The following COL6A6 variants were observed in gnomAD, a reference collection of about 807,000 sequenced individuals.
COL6A6 encodes the protein collagen type VI alpha 6 chain, also known as collagen alpha-6(VI) chain.
Under a neutral mutation model 208.6 loss-of-function variants are expected in COL6A6, and 183 were observed. The ratio of observed to expected loss-of-function variants is 0.88; its 90% CI spans 0.78 to 0.99. COL6A6 has a LOEUF of 0.99. Among genes scored for constraint, COL6A6 ranks in the 50% least tolerant of loss-of-function variants. The pLI, the probability that COL6A6 is intolerant of heterozygous loss-of-function variation, is 0.00. For synonymous variants in COL6A6, 973 were observed against 1,011.8 expected (o/e 0.96, Z 0.73); for missense variants, 2,816 against 2,815.2 (o/e 1.00, Z -0.01).
rs186747246 is a variant in COL6A6, at chr3:130,565,445, C to T, written c.1113C>T (p.Ser371=). The change falls in exon 4 of 37, where the codon AGC becomes AGT. Residue 371 remains serine (S), a synonymous_variant. Coordinates refer to ENST00000358511, the MANE Select transcript of COL6A6 (RefSeq NM_001102608.3). The part of the protein sequence containing the change: ...TIFTLGIEGA[S]DTQLEKIASH... Reference sequence around the variant, plus strand: ...TCACCCTGGGCATAGAGGGCGCCAGCGACACCCAGTTGGAAAAGATAGCAT... The same window carrying T: ...TCACCCTGGGCATAGAGGGCGCCAGTGACACCCAGTTGGAAAAGATAGCAT... 272 of 1,613,886 alleles carry T rather than the reference C, an allele frequency of 1.7e-4. No homozygotes were observed. In the African/African-American group the frequency reaches 2.8e-3, roughly 17 times the overall value.
intron 12 of COL6A6, among the ~76,000 whole-genome samples, chr3:130,590,290 TATATATA>T (rs1375333355): frequency 1.1e-3 from 28 of 25,554 alleles, no homozygotes; most frequent in African/African-American, 1.8e-3. Context: ...TATATATATA[TATATATA>T]TATTTTTTTT....
intron 23 of COL6A6, among the ~76,000 whole-genome samples, chr3:130,615,942 G>T (rs985676012): frequency 6.6e-6 from 1 of 152,192 alleles, no homozygotes; most frequent in African/African-American, 2.4e-5. Context: ...GGCATTGTCA[G>T]AGTTAGTCAG....
chr3:130,573,622 A>C (rs1264066058), intron 7 of COL6A6, among the ~76,000 whole-genome samples: 1 of 141,926 alleles, frequency 7.0e-6, no homozygotes, highest in Non-Finnish European at 1.5e-5. Context: ...GCTGGAGTGC[A>C]GAGGCACAAT....
intron 36 of COL6A6, among the ~76,000 whole-genome samples, chr3:130,668,322 C>T (rs948143046): frequency 7.2e-5 from 11 of 152,066 alleles, no homozygotes; most frequent in Middle Eastern, 6.8e-3. Context: ...ACTAAAAATA[C>T]AAGAAATTAG....
chr3:130,551,088 A>C (rs535256600), intron 1 of COL6A6, among the ~76,000 whole-genome samples: 1 of 149,212 alleles, frequency 6.7e-6, no homozygotes, highest in East Asian at 2.0e-4. Flanking sequence ...CAATTTTTAC[A>C]TCTACATTCA....
intron 36 of COL6A6, among the ~76,000 whole-genome samples, chr3:130,673,898 A>T (rs1038404438): frequency 6.6e-6 from 1 of 152,160 alleles, no homozygotes; most frequent in Non-Finnish European, 1.5e-5. Flanking sequence ...TCTGGGCTGC[A>T]GTAAGCTATG....
intron 1 of COL6A6, among the ~76,000 whole-genome samples, chr3:130,531,225 A>G (rs894709964): frequency 2.0e-5 from 3 of 152,024 alleles, no homozygotes; most frequent in African/African-American, 4.8e-5. Context: ...GGGCTGCACA[A>G]TTCTTTATTT....
At chr3:130,557,299 A>T (rs888415082) in intron 1 of COL6A6, among the ~76,000 whole-genome samples, 1 of 152,198 alleles carries the variant, frequency 6.6e-6, no homozygotes, top group Admixed American at 6.5e-5. Flanking sequence ...GAAAGTAAAA[A>T]CTGTGCAACT....
chr3:130,626,606 T>C, intron 25 of COL6A6, 59 bp downstream of exon 25: 1 of 1,155,940 alleles, frequency 8.7e-7, no homozygotes, highest in Middle Eastern at 1.9e-4. Context: ...TCAGTAGACA[T>C]CTGGTGTGGT....
Position 130,571,233 on chromosome 3 carries a change from A to G in COL6A6, c.2817A>G (p.Lys939=). 1 of 1,614,030 alleles carries G rather than the reference A, an allele frequency of 6.2e-7. No homozygotes were observed. Among genetic ancestry groups the G allele is most frequent in the Non-Finnish European group, 8.5e-7 (1 of 1,179,884 alleles). Residue 939 remains lysine, a synonymous_variant, in exon 7 of 37, where the codon AAA becomes AAG. Transcript: ENST00000358511. ...CCACGGCAAAGGCCTTGCGGGACAA[A>G]GGCATTCTTGTCCTGGCTGTGGGGA... ...LNATAKALRD[K]GILVLAVGID...
chr3:130,572,246 G>A (rs1192543208), intron 7 of COL6A6, among the ~76,000 whole-genome samples: 1 of 152,166 alleles, frequency 6.6e-6, no homozygotes, highest in African/African-American at 2.4e-5. Context: ...AGAGCATAGT[G>A]GGGCTTCTAT....
At position 130,675,484 on chromosome 3, in the gene COL6A6, A is replaced by G; in HGVS notation, c.*87A>G. On this transcript the variant is annotated 3_prime_UTR_variant, in exon 37 of 37. Coordinates refer to ENST00000358511, the MANE Select transcript of COL6A6 (RefSeq NM_001102608.3). The stretch of plus-strand genomic sequence containing the variant: ...TAAATCTGCTGCCAGAACTCAAGCA[A>G]CAGTTTGTAGGTTATCAGGTGACTT... The G allele has an allele frequency of 9.9e-7, 1 of 1,006,092 alleles. No homozygotes were observed. The highest frequency in any genetic ancestry group is 2.6e-5 in the East Asian group (1 of 38,148). The allele number at this position is 1,006,092 out of a possible 1,614,324, so 62.3% of individuals were successfully genotyped here.
At chr3:130,670,495 A>T (rs190079508) in intron 36 of COL6A6, among the ~76,000 whole-genome samples, 8 of 152,274 alleles carry the variant, frequency 5.3e-5, no homozygotes. Flanking sequence ...CGGAACCTAG[A>T]GACTTGGTTC....
At position 130,649,544 on chromosome 3, in the gene COL6A6, G is replaced by A. The variant is rs993324848; in HGVS notation, c.5715G>A (p.Ser1905=). Residue 1905 remains serine, a synonymous_variant, in exon 33 of 37, where the codon TCG becomes TCA. Transcript: ENST00000358511. The stretch of plus-strand genomic sequence containing the variant: ...TGATCACTTTCAGCAACGTGCCCTC[G>A]GTCAGGCGCGCATTTGCGGTATGAG... ...PVVITFSNVP[S]VRRAFAIDDT... The A allele has an allele frequency of 3.8e-6, 6 of 1,591,856 alleles. No homozygotes were observed. The highest frequency in any genetic ancestry group is 5.1e-6 in the Non-Finnish European group (6 of 1,169,314).
intron 33 of COL6A6, among the ~76,000 whole-genome samples, chr3:130,653,979 C>T (rs2065717786): frequency 6.6e-6 from 1 of 152,126 alleles, no homozygotes; most frequent in Non-Finnish European, 1.5e-5. Flanking sequence ...CAGCAGGGAC[C>T]AACACCAGAA....
chr3:130,618,231 A>T (rs949037627), intron 23 of COL6A6, among the ~76,000 whole-genome samples: 3 of 152,184 alleles, frequency 2.0e-5, no homozygotes, highest in Non-Finnish European at 4.4e-5. Flanking sequence ...GTCAGATACA[A>T]TTAGGTTCAT....
chr3:130,520,765 T>C lies in COL6A6; in HGVS notation c.-32+3368T>C, dbSNP rs529036753. Reference sequence around the variant, plus strand: ...CAAGATAAAGGAGGCAGTATCATCTTTGTGTCTCTACTTCTGAAGTTCAGT... The same window carrying C: ...CAAGATAAAGGAGGCAGTATCATCTCTGTGTCTCTACTTCTGAAGTTCAGT... On this transcript the variant is annotated intron_variant, in intron 1 of 36. Coordinates refer to ENST00000358511, the MANE Select transcript of COL6A6 (RefSeq NM_001102608.3). Among the ~76,000 whole-genome samples the C allele has an allele frequency of 3.7e-3, 559 of 152,336 alleles. 7 individuals carry two copies. The highest frequency in any genetic ancestry group is 0.013 in the African/African-American group (539 of 41,578).
chr3:130,661,626 TTGGTTCACAGATGTG>T lies in COL6A6; in HGVS notation c.5831-8_5837del, dbSNP rs781171090. On this transcript the variant is annotated splice_acceptor_variant and splice_polypyrimidine_tract_variant and coding_sequence_variant and intron_variant, in exon 35 of 37. Transcript: ENST00000358511. LOFTEE classifies it high-confidence loss of function. ...TCTACTTAGTAACCCAGAGTAACTT[TTGGTTCACAGATGTG>T]TGCAAGCCAGATGCTTCTTGTGACC... is the stretch of plus-strand genomic sequence containing the variant. 1.7e-5 allele frequency: 27 copies of T among 1,582,028 alleles called. No homozygotes were observed. The highest frequency in any genetic ancestry group is 2.2e-5 in the Non-Finnish European group (26 of 1,164,532).
At position 130,592,694 on chromosome 3, in the gene COL6A6, A is replaced by G; in HGVS notation, c.4345-2A>G. The G allele has an allele frequency of 6.2e-7, 1 of 1,612,890 alleles. No individual in the cohort carries two copies. ...TAACTATAACTGTCCTTTTATTTTCAGGGAAACAGAGGACTAAATGGACAG... is the reference window on the plus strand; with the variant it reads ...TAACTATAACTGTCCTTTTATTTTCGGGGAAACAGAGGACTAAATGGACAG... On this transcript the variant is annotated splice_acceptor_variant, in intron 14 of 36. Transcript: ENST00000358511. LOFTEE classifies it high-confidence loss of function.
Sources: allele counts gnomAD v4.1 joint callset (sites outside exome capture counted in the v4.1 genomes callset), GRCh38; gene constraint gnomAD v4.1.1; transcripts MANE v1.5; gene names NCBI Gene and HGNC (gene_info 2026-07-23, HGNC 2026-07-21).